The following LRP5 variants were observed in gnomAD, a reference collection of about 807,000 sequenced individuals.
The protein encoded by LRP5 is low-density lipoprotein receptor-related protein 5.
A neutral mutation model predicts 154.1 loss-of-function variants in LRP5; 62 were observed. The ratio of observed to expected loss-of-function variants is 0.40; its 90% CI spans 0.33 to 0.50. The LOEUF is 0.50. Ranked by LOEUF, LRP5 falls within the 20% of genes least tolerant of loss-of-function variation. The pLI, the probability that LRP5 is intolerant of heterozygous loss-of-function variation, is 0.55. For synonymous variants in LRP5, 966 were observed against 1,011.5 expected (o/e 0.96, Z 0.85); for missense variants, 1,915 against 2,336.7 (o/e 0.82, Z 3.72).
At chr11:68,317,894 G>A (rs1364098161) in intron 1 of LRP5, among the ~76,000 whole-genome samples, 2 of 152,228 alleles carry the variant, frequency 1.3e-5, no homozygotes, top group East Asian at 1.9e-4. Flanking sequence ...TCTGTCTCTC[G>A]TGCTTGGGGT....
the LRP5 span, among the ~76,000 whole-genome samples, chr11:68,303,650 C>G: frequency 1.3e-5 from 2 of 152,182 alleles, no homozygotes; most frequent in African/African-American, 4.8e-5. Flanking sequence ...TGCGCCACCA[C>G]ACCAAGCTAA....
chr11:68,336,950 T>C (rs2098606032), intron 1 of LRP5, among the ~76,000 whole-genome samples: 1 of 152,216 alleles, frequency 6.6e-6, no homozygotes, highest in Admixed American at 6.5e-5. Flanking sequence ...CAAACAATGG[T>C]GCAGCAGAAG....
chr11:68,432,818 A>G (rs941544035), intron 17 of LRP5, among the ~76,000 whole-genome samples: 1 of 152,180 alleles, frequency 6.6e-6, no homozygotes, highest in African/African-American at 2.4e-5. Context: ...CTGTGTCCCC[A>G]GCCCATGGGA....
chr11:68,309,881 C>T (rs1343453418), upstream of LRP5, among the ~76,000 whole-genome samples: 1 of 152,210 alleles, frequency 6.6e-6, no homozygotes, highest in African/African-American at 2.4e-5. Context: ...TTCCTCCTGA[C>T]AGTCTCATCC....
At chr11:68,326,823 C>A in intron 1 of LRP5, among the ~76,000 whole-genome samples, 1 of 152,260 alleles carries the variant, frequency 6.6e-6, no homozygotes, top group East Asian at 1.9e-4. Context: ...GTCCTTGCGG[C>A]ATATGGGAAG....
chr11:68,325,593 C>T (rs577633941), intron 1 of LRP5, among the ~76,000 whole-genome samples: 2 of 152,348 alleles, frequency 1.3e-5, no homozygotes, highest in Non-Finnish European at 2.9e-5. Flanking sequence ...TCCCAGCCTC[C>T]TTCCCCTACC....
intron 5 of LRP5, among the ~76,000 whole-genome samples, chr11:68,382,955 G>A (rs1384230533): frequency 6.6e-6 from 1 of 151,686 alleles, no homozygotes; most frequent in African/African-American, 2.4e-5. Context: ...TCAGCTCATT[G>A]CAACCTCTGC....
At chr11:68,407,628 G>C (rs1400898915) in intron 9 of LRP5, among the ~76,000 whole-genome samples, 1 of 151,212 alleles carries the variant, frequency 6.6e-6, no homozygotes, top group Non-Finnish European at 1.5e-5. Context: ...ATCACCTGAG[G>C]TCGGGAGTTC....
chr11:68,394,699 C>T (rs2098648268), intron 7 of LRP5, among the ~76,000 whole-genome samples: 1 of 151,756 alleles, frequency 6.6e-6, no homozygotes, highest in African/African-American at 2.4e-5. Flanking sequence ...CTCCTGACCT[C>T]ATGATCCGCC....
chr11:68,407,330 A>C (rs1348935060), intron 9 of LRP5, among the ~76,000 whole-genome samples: 1 of 151,542 alleles, frequency 6.6e-6, no homozygotes, highest in African/African-American at 2.4e-5. Context: ...CACCACACCC[A>C]GCTAATTTTT....
intron 5 of LRP5, among the ~76,000 whole-genome samples, chr11:68,381,618 G>T (rs796626162): frequency 2.0e-4 from 31 of 152,320 alleles, no homozygotes; most frequent in African/African-American, 7.2e-4. Flanking sequence ...GCGAGGGGAA[G>T]GTTTCACTTT....
chr11:68,427,137 A>C (rs1489543583), intron 16 of LRP5, among the ~76,000 whole-genome samples: 2 of 152,102 alleles, frequency 1.3e-5, no homozygotes, highest in Non-Finnish European at 2.9e-5. Context: ...CTGATTAATA[A>C]CCTTAATCAC....
At chr11:68,341,445 C>A (rs1438983369) in intron 1 of LRP5, among the ~76,000 whole-genome samples, 1 of 152,098 alleles carries the variant, frequency 6.6e-6, no homozygotes, top group African/African-American at 2.4e-5. Context: ...CCTCCCTTCT[C>A]CTCCTTCTCA....
At chr11:68,385,511 C>G (rs1168190782) in intron 5 of LRP5, among the ~76,000 whole-genome samples, 1 of 152,082 alleles carries the variant, frequency 6.6e-6, no homozygotes, top group Non-Finnish European at 1.5e-5. Context: ...GCGGTGCAGC[C>G]CCATCCAAGG....
intron 1 of LRP5, among the ~76,000 whole-genome samples, chr11:68,345,063 A>G (rs916964764): frequency 2.0e-5 from 3 of 151,686 alleles, no homozygotes; most frequent in African/African-American, 7.3e-5. Flanking sequence ...GGGTTTCACC[A>G]TCTTGGCCAG....
chr11:68,448,744 G>T (rs2098682777), intron 22 of LRP5, 65 bp from the exon 23 acceptor site: 13 of 1,588,622 alleles, frequency 8.2e-6, no homozygotes, highest in South Asian at 2.2e-5. Context: ...CAGCCCCGGG[G>T]CTGCTGTGCC....
chr11:68,337,311 G>T (rs147310950), intron 1 of LRP5, among the ~76,000 whole-genome samples: 108 of 152,346 alleles, frequency 7.1e-4, no homozygotes, highest in African/African-American at 2.5e-3. Flanking sequence ...TGTCCCTGGG[G>T]TTGGGGTGTG....
intron 5 of LRP5, among the ~76,000 whole-genome samples, chr11:68,376,968 A>G (rs1163401818): frequency 1.3e-5 from 2 of 152,208 alleles, no homozygotes; most frequent in Non-Finnish European, 2.9e-5. Flanking sequence ...GGTCCCCAGC[A>G]AGGGGGTGTG....
At chr11:68,394,685 C>T (rs549946645) in intron 7 of LRP5, among the ~76,000 whole-genome samples, 7 of 151,978 alleles carry the variant, frequency 4.6e-5, no homozygotes, top group Admixed American at 1.3e-4. Context: ...AGGATGGTCT[C>T]GATCTCCTGA....
Sources: gnomAD v4.1 joint callset for allele counts (sites outside exome capture counted in the v4.1 genomes callset) on GRCh38, gnomAD v4.1.1 for gene constraint, MANE v1.5 for transcripts, NCBI Gene and HGNC (gene_info 2026-07-23, HGNC 2026-07-21) for gene names.